Variants in NR2F1-AS1 observed in about 807,000 individuals in gnomAD.
NR2F1-AS1 encodes NR2F1 regulatory antisense RNA 1.
chr5:93,438,041 G>C (rs538146674), intron 4 of NR2F1-AS1, among the ~76,000 whole-genome samples: 1 of 152,238 alleles, frequency 6.6e-6, no homozygotes, highest in East Asian at 1.9e-4. Flanking sequence ...GCATAACAAA[G>C]ATAATGTCAA....
chr5:93,462,477 G>C (rs1750117557), intron 4 of NR2F1-AS1, among the ~76,000 whole-genome samples: 1 of 152,126 alleles, frequency 6.6e-6, no homozygotes. Flanking sequence ...CATGAAAATA[G>C]AATAATATAG....
chr5:93,463,561 C>G (rs1203804427), intron 4 of NR2F1-AS1, among the ~76,000 whole-genome samples: 2 of 152,144 alleles, frequency 1.3e-5, no homozygotes, highest in African/African-American at 4.8e-5. Flanking sequence ...GATCCACCGA[C>G]AGCTTGCACC....
intron 4 of NR2F1-AS1, among the ~76,000 whole-genome samples, chr5:93,436,233 A>G (rs1749428910): frequency 6.6e-6 from 1 of 152,232 alleles, no homozygotes; most frequent in African/African-American, 2.4e-5. Context: ...AATCACAGAT[A>G]ATAATCAACA....
intron 4 of NR2F1-AS1, among the ~76,000 whole-genome samples, chr5:93,549,256 T>C (rs1752167981): frequency 6.6e-6 from 1 of 152,212 alleles, no homozygotes; most frequent in Admixed American, 6.5e-5. Context: ...CACATTGCTA[T>C]TCTATACGTT....
chr5:93,463,084 A>C (rs1233657558), intron 4 of NR2F1-AS1, among the ~76,000 whole-genome samples: 1 of 152,212 alleles, frequency 6.6e-6, no homozygotes, highest in Non-Finnish European at 1.5e-5. Flanking sequence ...GCCATGTCAG[A>C]GACCTTTGCG....
chr5:93,578,605 A>G (rs898351054), intron 1 of NR2F1-AS1, among the ~76,000 whole-genome samples: 3 of 152,098 alleles, frequency 2.0e-5, no homozygotes, highest in Non-Finnish European at 4.4e-5. Flanking sequence ...CTGAGGCAAG[A>G]GCCACAGCGG....
chr5:93,466,331 C>CTT (rs573785186), intron 4 of NR2F1-AS1, among the ~76,000 whole-genome samples: 4 of 142,566 alleles, frequency 2.8e-5, no homozygotes, highest in Admixed American at 7.0e-5. Flanking sequence ...TCAAAGAATT[C>CTT]TTTTTTTTTT....
intron 4 of NR2F1-AS1, among the ~76,000 whole-genome samples, chr5:93,512,458 A>AC (rs375122813): frequency 2.6e-4 from 39 of 152,322 alleles, no homozygotes; most frequent in African/African-American, 8.9e-4. Context: ...AACTTTATTT[A>AC]AAGTATTTAT....
intron 4 of NR2F1-AS1, among the ~76,000 whole-genome samples, chr5:93,521,978 T>C (rs1036785827): frequency 2.0e-5 from 3 of 152,018 alleles, no homozygotes; most frequent in Non-Finnish European, 1.5e-5. Context: ...CAATAACAAA[T>C]TAAATAAAGA....
rs1331555979 is a variant in NR2F1-AS1 at position 93,579,283 on chromosome 5, C to T, written n.313+1184G>A. On this transcript the variant is annotated intron_variant and non_coding_transcript_variant, in intron 1 of 5. Transcript: ENST00000660523. The surrounding 1 kb of genome is among the most constrained non-coding windows in gnomAD (Gnocchi z 5.1). Reference sequence around the variant, plus strand: ...CCGCTGCTCCGGGCATCACCACCAACAGCTTCCCACTCCCACCCCTGGGAC... The same window carrying T: ...CCGCTGCTCCGGGCATCACCACCAATAGCTTCCCACTCCCACCCCTGGGAC... Among the ~76,000 whole-genome samples the T allele has an allele frequency of 6.6e-6, 1 of 152,210 alleles. No individual in the cohort carries two copies. Among genetic ancestry groups the T allele is most frequent in the African/African-American group, 2.4e-5 (1 of 41,450 alleles).
At chr5:93,477,900 A>G (rs1750518154) in intron 4 of NR2F1-AS1, among the ~76,000 whole-genome samples, 1 of 152,320 alleles carries the variant, frequency 6.6e-6, no homozygotes, top group East Asian at 1.9e-4. Flanking sequence ...ATAATTATAA[A>G]TATAATCAGA....
rs1032632335 is a variant in NR2F1-AS1 at position 93,451,322 on chromosome 5, A to G, written n.639-55780T>C. ...CCAGGTTTTAGAGTAGGGTTTTTGA[A>G]AAAAAAAAAAAAAAAAAGCTGGCAA... On this transcript the variant is annotated intron_variant and non_coding_transcript_variant, in intron 4 of 5. Coordinates refer to ENST00000660523, the Ensembl canonical transcript of NR2F1-AS1. 5.9e-3 allele frequency among the ~76,000 whole-genome samples: 622 copies of G among 105,848 alleles called. 5 individuals carry two copies. Among genetic ancestry groups the G allele is most frequent in the African/African-American group, 0.031 (585 of 19,082 alleles). 69.4% of individuals were successfully genotyped at this position (105,848 alleles called of 152,430 possible).
chr5:93,580,240 C>A (rs1221277137), intron 1 of NR2F1-AS1, among the ~76,000 whole-genome samples: 6 of 152,260 alleles, frequency 3.9e-5, no homozygotes, highest in African/African-American at 1.4e-4. Context: ...CGATCCTCCC[C>A]TCCAAGGAGG....
In NR2F1-AS1 at chr5:93,475,339, G is replaced by C. The variant is rs183324477; in HGVS notation, n.638+78422C>G. ...ACAGCAGAAAGCACCTCTAGAAATA[G>C]ATGAGAAGAGGAAGGAAAGTCAACT... is the stretch of plus-strand genomic sequence containing the variant. On this transcript the variant is annotated intron_variant and non_coding_transcript_variant, in intron 4 of 5. Coordinates refer to ENST00000660523, the Ensembl canonical transcript of NR2F1-AS1. Among the ~76,000 whole-genome samples the C allele has an allele frequency of 8.4e-3, 1,277 of 152,230 alleles. 9 individuals are homozygous for C. The highest frequency in any genetic ancestry group is 0.014 in the Non-Finnish European group (929 of 68,016).
chr5:93,471,838 A>T (rs1478756757), intron 4 of NR2F1-AS1, among the ~76,000 whole-genome samples: 1 of 151,922 alleles, frequency 6.6e-6, no homozygotes, highest in East Asian at 1.9e-4. Flanking sequence ...CAATAATCAA[A>T]TTAGGAGAGC....
chr5:93,553,042 C>T (rs1481662859), intron 4 of NR2F1-AS1, among the ~76,000 whole-genome samples: 2 of 151,682 alleles, frequency 1.3e-5, no homozygotes, highest in South Asian at 2.1e-4. Flanking sequence ...CAAGCATTAA[C>T]GATGGCCACC....
chr5:93,559,238 G>A (rs1561502346), intron 2 of NR2F1-AS1, among the ~76,000 whole-genome samples: 1 of 152,144 alleles, frequency 6.6e-6, no homozygotes, highest in Non-Finnish European at 1.5e-5. Flanking sequence ...ATACTTTTAT[G>A]TTCTGGAAAC....
intron 4 of NR2F1-AS1, among the ~76,000 whole-genome samples, chr5:93,546,967 G>A (rs897988042): frequency 6.6e-6 from 1 of 152,068 alleles, no homozygotes; most frequent in Non-Finnish European, 1.5e-5. Flanking sequence ...TGAGTTGAAG[G>A]CCTTAAGAGC....
chr5:93,452,383 A>G (rs1749856288), intron 4 of NR2F1-AS1, among the ~76,000 whole-genome samples: 1 of 152,216 alleles, frequency 6.6e-6, no homozygotes, highest in Non-Finnish European at 1.5e-5. Context: ...TGATTGCCCC[A>G]GCTTATCACC....
Sources: allele counts gnomAD v4.1 joint callset (sites outside exome capture counted in the v4.1 genomes callset), GRCh38; gene constraint gnomAD v4.1.1; non-coding constraint Gnocchi (gnomAD v3.1); transcripts MANE v1.5; gene names NCBI Gene and HGNC (gene_info 2026-07-23, HGNC 2026-07-21).